TMOD1: variants seen among roughly 807,000 people sequenced by gnomAD.
TMOD1 encodes the protein tropomodulin-1.
A neutral mutation model predicts 40.6 loss-of-function variants in TMOD1; 17 were observed. That is an observed-to-expected ratio of 0.42 (90% CI 0.29 to 0.63). The LOEUF (loss-of-function observed/expected upper bound fraction) is 0.63. Ranked by LOEUF, TMOD1 falls within the 20% of genes least tolerant of loss-of-function variation. The pLI is 0.22. For synonymous variants in TMOD1, 181 were observed against 175.0 expected (o/e 1.03, Z -0.27); for missense variants, 391 against 447.6 (o/e 0.87, Z 1.14).
At chr9:97,551,060 G>T in intron 3 of TMOD1, among the ~76,000 whole-genome samples, 1 of 131,186 alleles carries the variant, frequency 7.6e-6, no homozygotes, top group African/African-American at 3.0e-5. Context: ...GTCTTGCTCT[G>T]TCTCCCAGGC....
intron 5 of TMOD1, among the ~76,000 whole-genome samples, chr9:97,563,780 G>A (rs1830676425): frequency 6.6e-6 from 1 of 152,176 alleles, no homozygotes; most frequent in African/African-American, 2.4e-5. Context: ...TACAGATGTA[G>A]ACCCAAGGTT....
intron 4 of TMOD1, chr9:97,555,674 T>G (rs1466387652): frequency 3.2e-6 from 5 of 1,551,236 alleles, no homozygotes; most frequent in Non-Finnish European, 3.5e-6. Flanking sequence ...AAGGAGGGAC[T>G]GAACACTTTT....
intron 8 of TMOD1, among the ~76,000 whole-genome samples, chr9:97,578,726 G>A (rs184780346): frequency 9.5e-4 from 144 of 152,308 alleles, no homozygotes; most frequent in Non-Finnish European, 1.5e-3. Context: ...TCCCAGGGAT[G>A]TAGACAGGTC....
Position 97,502,029 on chromosome 9 carries a change from C to A in TMOD1, c.-49+226C>A, listed in dbSNP as rs1043079286. Reference sequence around the variant, plus strand: ...CAGCGCTCCCGTCCCCGCCTCCCCGCGCGCGCAGCCCTGGCCAGGGCGCCC... The same window carrying A: ...CAGCGCTCCCGTCCCCGCCTCCCCGAGCGCGCAGCCCTGGCCAGGGCGCCC... On this transcript the variant is annotated intron_variant, in intron 1 of 9. Transcript: ENST00000259365. The surrounding 1 kb of genome is among the most constrained non-coding windows in gnomAD (Gnocchi z 6.1). 6.6e-6 allele frequency among the ~76,000 whole-genome samples: 1 copy of A among 152,128 alleles called. No homozygotes were observed. The highest frequency in any genetic ancestry group is 1.5e-5 in the Non-Finnish European group (1 of 68,000).
In TMOD1 at chr9:97,565,946, C is replaced by T. The variant is rs759831973; in HGVS notation, c.717C>T (p.Pro239=). 1.5e-5 allele frequency: 24 copies of T among 1,613,876 alleles called. No homozygotes were observed. The highest frequency in any genetic ancestry group is 6.7e-5 in the East Asian group (3 of 44,898). Residue 239 remains proline, a synonymous_variant, in exon 7 of 10, where the codon CCC becomes CCT. Coordinates refer to ENST00000259365, the MANE Select transcript of TMOD1 (RefSeq NM_003275.4). ...TCGTGGGGACACGGAGTAATGACCC[C>T]GTGGCGTATGTATGTACCTTTCTGT... is the stretch of plus-strand genomic sequence containing the variant. ...FSIVGTRSND[P]VAYALAEMLK...
intron 1 of TMOD1, among the ~76,000 whole-genome samples, chr9:97,506,448 T>A (rs368139416): frequency 7.9e-5 from 12 of 152,306 alleles, no homozygotes; most frequent in African/African-American, 2.9e-4. Context: ...AATAAATGAA[T>A]GAAGGCTCTG....
At chr9:97,540,372 T>C (rs1830259340) in intron 2 of TMOD1, among the ~76,000 whole-genome samples, 1 of 152,240 alleles carries the variant, frequency 6.6e-6, no homozygotes, top group African/African-American at 2.4e-5. Context: ...AAGGAGGTGT[T>C]GCAGCAGCTC....
chr9:97,555,608 C>A, intron 4 of TMOD1: 2 of 1,550,348 alleles, frequency 1.3e-6, no homozygotes, highest in Non-Finnish European at 1.7e-6. Flanking sequence ...AACTGGCTAA[C>A]CTTGGATGCC....
intron 4 of TMOD1, among the ~76,000 whole-genome samples, chr9:97,555,124 G>A (rs1385423091): frequency 6.6e-6 from 1 of 152,182 alleles, no homozygotes; most frequent in African/African-American, 2.4e-5. Context: ...TGGGAAGGTA[G>A]CACTTAACTC....
chr9:97,545,765 T>C (rs1356487103), intron 2 of TMOD1, among the ~76,000 whole-genome samples: 1 of 152,194 alleles, frequency 6.6e-6, no homozygotes. Flanking sequence ...CGGAGCCACC[T>C]GATACTCAAC....
intron 3 of TMOD1, among the ~76,000 whole-genome samples, chr9:97,546,846 G>A (rs1830367408): frequency 1.4e-5 from 2 of 146,546 alleles, no homozygotes; most frequent in South Asian, 4.4e-4. Context: ...GGAAAATCGC[G>A]TGAACCCAGG....
Position 97,568,975 on chromosome 9 carries a change from CTGCGCCTGG to C in TMOD1, c.810_818del (p.Arg271_Val273del). The stretch of plus-strand genomic sequence containing the variant: ...CAACTTCATTTCTGGAGCTGGGATT[CTGCGCCTGG>C]TAGAAGCCCTCCCATACAACACTTC... On this transcript the variant is annotated inframe_deletion, in exon 8 of 10. Coordinates refer to ENST00000259365, the MANE Select transcript of TMOD1 (RefSeq NM_003275.4). 1 of 1,614,192 alleles carries C rather than the reference CTGCGCCTGG, an allele frequency of 6.2e-7. No individual in the cohort carries two copies. The highest frequency in any genetic ancestry group is 8.5e-7 in the Non-Finnish European group (1 of 1,180,038).
Position 97,593,200 on chromosome 9 carries a change from G to T in TMOD1, c.1015+1765G>T, listed in dbSNP as rs543657458. ...CCTCCAATGGCATGATGGTATGGAG[G>T]TCTTGTTTCTGGGGATAGAGGCTCT... On this transcript the variant is annotated intron_variant, in intron 9 of 9. Coordinates refer to ENST00000259365, the MANE Select transcript of TMOD1 (RefSeq NM_003275.4). Among the ~76,000 whole-genome samples, 5 of 152,284 alleles carry T rather than the reference G, an allele frequency of 3.3e-5. No individual in the cohort carries two copies. The South Asian group carries it at 1.0e-3, about 32-fold the overall frequency.
chr9:97,508,057 TCACA>T (rs56669574), intron 1 of TMOD1, among the ~76,000 whole-genome samples: 11,052 of 131,772 alleles, frequency 0.084, 426 homozygotes, highest in Admixed American at 0.11. Context: ...TCTTCCTGAT[TCACA>T]CACACACACA....
upstream of TMOD1, chr9:97,501,641 C>T (rs956235895): frequency 6.7e-6 from 1 of 148,652 alleles, no homozygotes; most frequent in African/African-American, 2.4e-5. Context: ...GAGCCCACAG[C>T]TCCCGCCCGC....
At position 97,557,344 on chromosome 9, in the gene TMOD1, C is replaced by A. The variant is rs2131259231; in HGVS notation, c.397+3944C>A. Among the ~76,000 whole-genome samples, 1 of 152,266 alleles carries A rather than the reference C, an allele frequency of 6.6e-6. No individual in the cohort carries two copies. Among genetic ancestry groups the A allele is most frequent in the Non-Finnish European group, 1.5e-5 (1 of 68,018 alleles). On this transcript the variant is annotated intron_variant, in intron 4 of 9. Transcript: ENST00000259365. This position sits in a 1 kb window ranked among gnomAD's most constrained non-coding sequence, Gnocchi z 4.4. ...TAATTCGCAGTGCCTCCCCTGCCCA[C>A]TCAGGGAGGTGATGCTGGCTGGCTT...
chr9:97,509,512 G>GT (rs1336296792), intron 1 of TMOD1, among the ~76,000 whole-genome samples: 2,009 of 106,066 alleles, frequency 0.019, 106 homozygotes, highest in African/African-American at 0.059. Context: ...TTTTTTTTTT[G>GT]TTTTTTGTTT....
chr9:97,527,314 G>A (rs1830031496), intron 2 of TMOD1, among the ~76,000 whole-genome samples: 1 of 152,248 alleles, frequency 6.6e-6, no homozygotes, highest in Non-Finnish European at 1.5e-5. Flanking sequence ...TACCTGCCGA[G>A]CACTGTGCTG....
chr9:97,542,248 CAT>C (rs1193474726), intron 2 of TMOD1, among the ~76,000 whole-genome samples: 4 of 152,080 alleles, frequency 2.6e-5, no homozygotes, highest in Non-Finnish European at 4.4e-5. Flanking sequence ...TACTGACAAT[CAT>C]GTGATATTTT....
Sources: allele counts gnomAD v4.1 joint callset (sites outside exome capture counted in the v4.1 genomes callset), GRCh38; gene constraint gnomAD v4.1.1; non-coding constraint Gnocchi (gnomAD v3.1); transcripts MANE v1.5; gene names NCBI Gene and HGNC (gene_info 2026-07-23, HGNC 2026-07-21).